Variants in CNOT6L observed in about 807,000 individuals in gnomAD.
The protein encoded by CNOT6L is CCR4-NOT transcription complex subunit 6-like.
Under a neutral mutation model 64.0 loss-of-function variants are expected in CNOT6L, and 7 were observed. That is an observed-to-expected ratio of 0.11 (90% CI 0.06 to 0.21). The LOEUF (loss-of-function observed/expected upper bound fraction) is 0.21. Among genes scored for constraint, CNOT6L ranks in the 10% least tolerant of loss-of-function variants. The pLI, the probability that CNOT6L is intolerant of heterozygous loss-of-function variation, is 1.00. For missense variants in CNOT6L, 245 were observed against 669.0 expected (o/e 0.37, Z 6.99); for synonymous variants, 193 against 243.4 (o/e 0.79, Z 1.93).
At chr4:77,804,483 A>T (rs1731991018) in intron 1 of CNOT6L, among the ~76,000 whole-genome samples, 1 of 152,182 alleles carries the variant, frequency 6.6e-6, no homozygotes, top group African/African-American at 2.4e-5. Context: ...TGAATCTTGA[A>T]AATATTATGC....
chr4:77,729,533 T>C (rs1474922610), intron 9 of CNOT6L, among the ~76,000 whole-genome samples: 1 of 152,192 alleles, frequency 6.6e-6, no homozygotes, highest in African/African-American at 2.4e-5. Flanking sequence ...CTATATAAGA[T>C]AAAATAAGAA....
chr4:77,741,855 ATACTT>A (rs1322376293), intron 8 of CNOT6L, among the ~76,000 whole-genome samples: 3 of 152,186 alleles, frequency 2.0e-5, no homozygotes, highest in Non-Finnish European at 4.4e-5. Flanking sequence ...ACAAAAACTA[ATACTT>A]TACTTCATGA....
At chr4:77,763,546 AC>A (rs1453557018) in intron 4 of CNOT6L, among the ~76,000 whole-genome samples, 1 of 152,192 alleles carries the variant, frequency 6.6e-6, no homozygotes, top group Non-Finnish European at 1.5e-5. Flanking sequence ...AAGAAAATAA[AC>A]AATTCCATTT....
At chr4:77,747,254 C>T (rs1724301177) in intron 6 of CNOT6L, among the ~76,000 whole-genome samples, 1 of 152,162 alleles carries the variant, frequency 6.6e-6, no homozygotes, top group African/African-American at 2.4e-5. Flanking sequence ...GTAAACTCCG[C>T]ATCCCAGGTT....
chr4:77,743,398 C>T (rs930579324), intron 7 of CNOT6L, among the ~76,000 whole-genome samples: 1 of 151,876 alleles, frequency 6.6e-6, no homozygotes, highest in African/African-American at 2.4e-5. Flanking sequence ...TGTTTGCCGC[C>T]TCCTCTCCCC....
At chr4:77,755,809 C>G (rs1012059992) in intron 5 of CNOT6L, among the ~76,000 whole-genome samples, 2 of 151,844 alleles carry the variant, frequency 1.3e-5, no homozygotes, top group East Asian at 3.9e-4. Context: ...TATGCTGGAA[C>G]TTATGATTTT....
At chr4:77,750,696 A>G (rs1337779914) in intron 5 of CNOT6L, among the ~76,000 whole-genome samples, 1 of 152,218 alleles carries the variant, frequency 6.6e-6, no homozygotes, top group African/African-American at 2.4e-5. Flanking sequence ...GCCAAATGAT[A>G]TCACCAATGA....
intron 10 of CNOT6L, among the ~76,000 whole-genome samples, chr4:77,728,375 G>A (rs1445582068): frequency 1.3e-5 from 2 of 152,166 alleles, no homozygotes; most frequent in East Asian, 1.9e-4. Context: ...TCTAGCTTTT[G>A]GTTGGATTTG....
chr4:77,784,584 A>G lies in CNOT6L; in HGVS notation c.6-8192T>C, dbSNP rs183360948. 5.5e-4 allele frequency among the ~76,000 whole-genome samples: 83 copies of G among 151,790 alleles called. 2 individuals carry two copies. The East Asian group carries it at 0.012, about 21-fold the overall frequency. On this transcript the variant is annotated intron_variant, in intron 1 of 11. Transcript: ENST00000504123. ...GTGCAGCCTCAACCTCCTGGGTTCA[A>G]GTGATCCTCTCACCTCAGTCGTCTG...
intron 1 of CNOT6L, among the ~76,000 whole-genome samples, chr4:77,813,485 T>A (rs1733198692): frequency 6.6e-6 from 1 of 151,930 alleles, no homozygotes; most frequent in African/African-American, 2.4e-5. Flanking sequence ...AAAAGACAAC[T>A]CACAAAATGG....
Position 77,719,957 on chromosome 4 carries a change from G to C in CNOT6L, c.*474C>G, listed in dbSNP as rs1721111889. ...CTCTGTTAATGTGCAAATGACTTTG[G>C]AATCCAAAAGTCAGTTATAAAGGAA... On this transcript the variant is annotated 3_prime_UTR_variant, in exon 12 of 12. Coordinates refer to ENST00000504123, the MANE Select transcript of CNOT6L (RefSeq NM_144571.3). 1 of 156,294 alleles carries C rather than the reference G, an allele frequency of 6.4e-6. No homozygotes were observed. The highest frequency in any genetic ancestry group is 2.4e-5 in the African/African-American group (1 of 41,422). The allele number at this position is 156,294 out of a possible 1,614,324, so 9.7% of individuals were successfully genotyped here. A position where few individuals can be genotyped will look rare whatever the true frequency, so the allele number is the denominator to read the frequency against.
intron 4 of CNOT6L, among the ~76,000 whole-genome samples, chr4:77,772,744 A>G (rs1727710598): frequency 6.6e-6 from 1 of 152,020 alleles, no homozygotes; most frequent in South Asian, 2.1e-4. Context: ...AACATGGTGA[A>G]ACCCCGTCTC....
chr4:77,761,312 G>A (rs1726200848), intron 4 of CNOT6L, among the ~76,000 whole-genome samples: 1 of 152,096 alleles, frequency 6.6e-6, no homozygotes, highest in Non-Finnish European at 1.5e-5. Context: ...ATGACTGCAG[G>A]AGAAAGCTGA....
At chr4:77,724,810 A>C (rs1211350254) in intron 11 of CNOT6L, among the ~76,000 whole-genome samples, 2 of 151,932 alleles carry the variant, frequency 1.3e-5, no homozygotes, top group Admixed American at 1.3e-4. Context: ...TATAGTTACA[A>C]GGATAGGATT....
At chr4:77,762,121 G>C (rs970170187) in intron 4 of CNOT6L, among the ~76,000 whole-genome samples, 5 of 152,150 alleles carry the variant, frequency 3.3e-5, no homozygotes, top group Admixed American at 6.5e-5. Flanking sequence ...GAAAGACTCA[G>C]TATTAAGTCT....
intron 1 of CNOT6L, among the ~76,000 whole-genome samples, chr4:77,781,426 A>G (rs1295469731): frequency 6.6e-6 from 1 of 152,186 alleles, no homozygotes; most frequent in Non-Finnish European, 1.5e-5. Flanking sequence ...TTTATAAGCA[A>G]TATTATATGT....
At chr4:77,789,655 G>C (rs1043203269) in intron 1 of CNOT6L, among the ~76,000 whole-genome samples, 1 of 150,440 alleles carries the variant, frequency 6.6e-6, no homozygotes, top group Non-Finnish European at 1.5e-5. Flanking sequence ...GGGAAACCCC[G>C]CCTCAAAAAA....
At chr4:77,766,475 A>G (rs937273651) in intron 4 of CNOT6L, among the ~76,000 whole-genome samples, 3 of 152,020 alleles carry the variant, frequency 2.0e-5, no homozygotes, top group Non-Finnish European at 4.4e-5. Flanking sequence ...GCTTCCACTC[A>G]ACATCATATG....
At chr4:77,808,001 T>A (rs1732450965) in intron 1 of CNOT6L, among the ~76,000 whole-genome samples, 1 of 152,160 alleles carries the variant, frequency 6.6e-6, no homozygotes, top group African/African-American at 2.4e-5. Context: ...CAGACTGATT[T>A]GGCAGCAAAG....
Sources: gnomAD v4.1 joint callset for allele counts (sites outside exome capture counted in the v4.1 genomes callset) on GRCh38, gnomAD v4.1.1 for gene constraint, MANE v1.5 for transcripts, NCBI Gene and HGNC (gene_info 2026-07-23, HGNC 2026-07-21) for gene names.